Variants in KCNN3 observed in about 807,000 individuals in gnomAD.
KCNN3 encodes the protein potassium calcium-activated channel subfamily N member 3.
In KCNN3, 16 loss-of-function variants were observed where a neutral mutation model predicts 62.9. The ratio of observed to expected loss-of-function variants is 0.25; its 90% confidence interval spans 0.17 to 0.39. KCNN3 has a LOEUF of 0.39. Ranked by LOEUF, KCNN3 falls within the 10% of genes least tolerant of loss-of-function variation. KCNN3 has a pLI of 1.00. For missense variants in KCNN3, 599 were observed against 949.4 expected, an observed-to-expected ratio of 0.63 and a Z score of 4.85; for synonymous variants, 370 against 389.2, an observed-to-expected ratio of 0.95 and a Z score of 0.58.
intron 2 of KCNN3, among the ~76,000 whole-genome samples, chr1:154,778,611 CTTTTTT>C (rs11459390): frequency 2.2e-4 from 16 of 73,638 alleles, no homozygotes; most frequent in African/African-American, 6.8e-4. Context: ...CTCTCTGTCT[CTTTTTT>C]TTTTTTTTTT....
At chr1:154,835,190 G>T (rs138025030) in intron 1 of KCNN3, among the ~76,000 whole-genome samples, 1 of 152,178 alleles carries the variant, frequency 6.6e-6, no homozygotes, top group Admixed American at 6.5e-5. Flanking sequence ...GGGTTCCCAC[G>T]GGCTTAAAAC....
intron 5 of KCNN3, among the ~76,000 whole-genome samples, chr1:154,720,039 G>A (rs1416444331): frequency 6.6e-6 from 1 of 152,214 alleles, no homozygotes; most frequent in Non-Finnish European, 1.5e-5. Flanking sequence ...TGCTATTTAT[G>A]TGATACTCAG....
At chr1:154,855,947 G>A (rs572854432) in intron 1 of KCNN3, among the ~76,000 whole-genome samples, 1 of 152,248 alleles carries the variant, frequency 6.6e-6, no homozygotes, top group Admixed American at 6.5e-5. Context: ...AAAAGCAAGC[G>A]CCAAGGGTCC....
At chr1:154,822,248 G>A (rs1650930890) in intron 1 of KCNN3, 64 bp from the exon 2 acceptor site, 1 of 1,242,288 alleles carries the variant, frequency 8.0e-7, no homozygotes, top group Non-Finnish European at 1.2e-6. Context: ...ACTTTATTCT[G>A]CGGCTGTGTA....
chr1:154,752,959 G>A (rs988723756), intron 3 of KCNN3, among the ~76,000 whole-genome samples: 6 of 152,146 alleles, frequency 3.9e-5, no homozygotes, highest in Admixed American at 1.3e-4. Flanking sequence ...TCTGCATCAC[G>A]TGGCCTCAGG....
intron 6 of KCNN3, among the ~76,000 whole-genome samples, chr1:154,714,109 TG>T (rs1450555763): frequency 1.1e-5 from 1 of 91,070 alleles, no homozygotes; most frequent in Non-Finnish European, 2.1e-5. Flanking sequence ...ATGGTGTGTG[TG>T]ATGTGGTGTG....
At chr1:154,851,592 C>T (rs1483819656) in intron 1 of KCNN3, among the ~76,000 whole-genome samples, 2 of 152,202 alleles carry the variant, frequency 1.3e-5, no homozygotes, top group Admixed American at 1.3e-4. Flanking sequence ...CCTTGACTTC[C>T]CCTTTCTCTC....
chr1:154,801,400 G>A (rs987181438), intron 2 of KCNN3, among the ~76,000 whole-genome samples: 2 of 152,132 alleles, frequency 1.3e-5, no homozygotes, highest in Admixed American at 6.5e-5. Flanking sequence ...TCACTAGAGG[G>A]AAATAGATCA....
chr1:154,860,957 T>TTC (rs1652745379), intron 1 of KCNN3, among the ~76,000 whole-genome samples: 1 of 147,300 alleles, frequency 6.8e-6, no homozygotes, highest in African/African-American at 2.5e-5. Context: ...CCAAGTTTTT[T>TTC]TTTTTTTTTT....
chr1:154,859,791 A>G, intron 1 of KCNN3: 3 of 1,613,936 alleles, frequency 1.9e-6, no homozygotes, highest in Non-Finnish European at 2.5e-6. Context: ...AGCTCTAAGG[A>G]GTAGGTGCCA....
At chr1:154,834,728 C>T (rs1478709289) in intron 1 of KCNN3, among the ~76,000 whole-genome samples, 1 of 152,114 alleles carries the variant, frequency 6.6e-6, no homozygotes, top group African/African-American at 2.4e-5. Flanking sequence ...AGGAACTGTC[C>T]CCACTTGACA....
chr1:154,709,612 A>T (rs1301238015), intron 7 of KCNN3, among the ~76,000 whole-genome samples: 7 of 152,126 alleles, frequency 4.6e-5, no homozygotes, highest in African/African-American at 1.7e-4. Context: ...CCCCATGAGG[A>T]AATTCACTGG....
intron 2 of KCNN3, among the ~76,000 whole-genome samples, chr1:154,791,670 A>T (rs2251442): frequency 6.6e-6 from 1 of 152,246 alleles, no homozygotes; most frequent in African/African-American, 2.4e-5. Context: ...TGTTAATTTT[A>T]GAAATAGCTT....
At chr1:154,812,409 T>G (rs1204001211) in intron 2 of KCNN3, among the ~76,000 whole-genome samples, 3 of 143,048 alleles carry the variant, frequency 2.1e-5, no homozygotes, top group Admixed American at 6.9e-5. Flanking sequence ...CCCTCCCCCA[T>G]CCCCCCACCC....
At chr1:154,804,524 C>T (rs1410733062) in intron 2 of KCNN3, among the ~76,000 whole-genome samples, 1 of 152,184 alleles carries the variant, frequency 6.6e-6, no homozygotes, top group African/African-American at 2.4e-5. Flanking sequence ...TCCTTCCCTT[C>T]TCCTTACCAG....
intron 5 of KCNN3, among the ~76,000 whole-genome samples, chr1:154,722,679 A>G (rs1374062017): frequency 6.6e-6 from 1 of 151,300 alleles, no homozygotes. Flanking sequence ...GGCATGAGCC[A>G]CCGCGCCCGG....
intron 2 of KCNN3, among the ~76,000 whole-genome samples, chr1:154,787,196 C>T (rs1649317707): frequency 6.6e-6 from 1 of 152,268 alleles, no homozygotes; most frequent in Admixed American, 6.5e-5. Flanking sequence ...GCACTGAAAG[C>T]CGCGTTAGTC....
intron 1 of KCNN3, among the ~76,000 whole-genome samples, chr1:154,847,882 C>T (rs1475122181): frequency 6.6e-6 from 1 of 152,236 alleles, no homozygotes; most frequent in Non-Finnish European, 1.5e-5. Flanking sequence ...AACACAGACA[C>T]TGAAGTTCAG....
chr1:154,805,522 T>G (rs1018561846), intron 2 of KCNN3, among the ~76,000 whole-genome samples: 1 of 152,174 alleles, frequency 6.6e-6, no homozygotes, highest in African/African-American at 2.4e-5. Context: ...TATTCACCAG[T>G]CTCTTCTCTG....
Sources: allele counts gnomAD v4.1 joint callset (sites outside exome capture counted in the v4.1 genomes callset), GRCh38; gene constraint gnomAD v4.1.1; transcripts MANE v1.5; gene names NCBI Gene and HGNC (gene_info 2026-07-23, HGNC 2026-07-21).